PPIL1: variants seen among roughly 807,000 people sequenced by gnomAD.
PPIL1 encodes the protein peptidylprolyl isomerase like 1.
PPIL1 carries 14 observed loss-of-function variants against 19.4 expected under a neutral mutation model. The observed-to-expected ratio is 0.72, with a 90% CI of 0.48 to 1.13. The LOEUF (loss-of-function observed/expected upper bound fraction) is 1.13, where lower values mean the gene tolerates loss of function less well. Ranked by LOEUF, PPIL1 falls within the 50% of genes most tolerant of loss-of-function variation. The pLI, the probability that PPIL1 is intolerant of heterozygous loss-of-function variation, is 0.00. For synonymous variants in PPIL1, 72 were observed against 73.6 expected (o/e 0.98, Z 0.11); for missense variants, 192 against 218.0 (o/e 0.88, Z 0.75).
intron 2 of PPIL1, among the ~76,000 whole-genome samples, chr6:36,868,307 G>C (rs879487226): frequency 2.6e-5 from 4 of 151,728 alleles, no homozygotes; most frequent in Non-Finnish European, 5.9e-5. Flanking sequence ...ACAGAGTAAA[G>C]GTCTGAGATT....
chr6:36,867,607 A>T lies in PPIL1; in HGVS notation c.211+4111T>A, dbSNP rs1774419929. ...CTCGGGAGTGGCAGGGCAGGCACGC[A>T]GGGCTGGCCACCTTCCAGGGTGCTG... On this transcript the variant is annotated intron_variant, in intron 2 of 3. Coordinates refer to ENST00000373699, the MANE Select transcript of PPIL1 (RefSeq NM_016059.5). Among the ~76,000 whole-genome samples the T allele has an allele frequency of 1.3e-5, 2 of 152,178 alleles. 1 individual carries two copies. Among genetic ancestry groups the T allele is most frequent in the South Asian group, 4.1e-4 (2 of 4,834 alleles).
chr6:36,864,029 T>C (rs1342337307), intron 2 of PPIL1, among the ~76,000 whole-genome samples: 1 of 151,966 alleles, frequency 6.6e-6, no homozygotes, highest in Admixed American at 6.6e-5. Flanking sequence ...AATAAACCTC[T>C]ATCTTGGTGT....
chr6:36,874,431 C>A (rs1774591339), intron 1 of PPIL1, among the ~76,000 whole-genome samples: 1 of 152,198 alleles, frequency 6.6e-6, no homozygotes, highest in South Asian at 2.1e-4. Context: ...GCCTGGCTTG[C>A]GGACTCATTA....
At chr6:36,873,704 C>G (rs1439558602) in intron 1 of PPIL1, among the ~76,000 whole-genome samples, 1 of 152,100 alleles carries the variant, frequency 6.6e-6, no homozygotes, top group African/African-American at 2.4e-5. Context: ...GGCCAGGGAG[C>G]ATGAAATGAA....
chr6:36,858,385 A>AACGGTC (rs1329656899), intron 2 of PPIL1, among the ~76,000 whole-genome samples: 2 of 152,160 alleles, frequency 1.3e-5, no homozygotes, highest in Non-Finnish European at 1.5e-5. Flanking sequence ...CTCCAAGTTG[A>AACGGTC]ACGGTCACGA....
chr6:36,870,084 T>C (rs1165808769), intron 2 of PPIL1, among the ~76,000 whole-genome samples: 1 of 145,786 alleles, frequency 6.9e-6, no homozygotes, highest in Non-Finnish European at 1.5e-5. Flanking sequence ...TATTTTGAAA[T>C]GCATCCATAT....
At chr6:36,872,581 A>G (rs945026812) in intron 1 of PPIL1, among the ~76,000 whole-genome samples, 2 of 152,046 alleles carry the variant, frequency 1.3e-5, no homozygotes, top group African/African-American at 4.8e-5. Flanking sequence ...ACTCCAGCAC[A>G]TACCTAGACT....
At position 36,862,411 on chromosome 6, in the gene PPIL1, T is replaced by C. The variant is rs755106377; in HGVS notation, c.212-5757A>G. Among the ~76,000 whole-genome samples, 88 of 152,144 alleles carry C rather than the reference T, an allele frequency of 5.8e-4. 1 individual carries two copies. Among genetic ancestry groups the C allele is most frequent in the Non-Finnish European group, 9.0e-4 (61 of 68,032 alleles). On this transcript the variant is annotated intron_variant, in intron 2 of 3. Transcript: ENST00000373699. The stretch of plus-strand genomic sequence containing the variant: ...GACAAAAAAGGCAGGTGCTGACAAG[T>C]CCATTTTGCAGACAGGCGTGGCCAG...
chr6:36,874,756 G>T lies in PPIL1; in HGVS notation c.17C>A (p.Pro6Gln). The T allele has an allele frequency of 3.7e-6, 6 of 1,614,188 alleles. No individual in the cohort carries two copies. The highest frequency in any genetic ancestry group is 5.1e-6 in the Non-Finnish European group (6 of 1,179,996). MAAIP[P>Q]DSWQPPNVYL... The stretch of plus-strand genomic sequence containing the variant: ...AACGTTGGGTGGCTGCCAGGAATCT[G>T]GGGGAATTGCCGCCATAGCGAAGCC... Residue 6 changes from proline (P) to glutamine (Q), a missense_variant, in exon 1 of 4, where the codon CCA (proline) becomes CAA (glutamine). Pro to Gln is a moderately conservative substitution (Grantham distance 76). Transcript: ENST00000373699.
chr6:36,868,985 T>A (rs1774453667), intron 2 of PPIL1, among the ~76,000 whole-genome samples: 1 of 151,950 alleles, frequency 6.6e-6, no homozygotes, highest in Non-Finnish European at 1.5e-5. Context: ...TTTTATTTTA[T>A]TTTAATTTAT....
At chr6:36,874,630 C>A in intron 1 of PPIL1, 87 bp downstream of exon 1, 1 of 1,543,326 alleles carries the variant, frequency 6.5e-7, no homozygotes, top group East Asian at 2.3e-5. Flanking sequence ...GCCGGCCTCC[C>A]GGAGGAACGC....
intron 2 of PPIL1, among the ~76,000 whole-genome samples, chr6:36,861,672 T>C (rs1338486860): frequency 6.6e-6 from 1 of 150,580 alleles, no homozygotes; most frequent in Non-Finnish European, 1.5e-5. Flanking sequence ...TTCTTCTTTA[T>C]GATCTGTGTT....
intron 2 of PPIL1, among the ~76,000 whole-genome samples, chr6:36,857,518 G>A (rs149556834): frequency 2.3e-4 from 35 of 151,892 alleles, no homozygotes; most frequent in Non-Finnish European, 4.1e-4. Context: ...GTCTTGCTAC[G>A]TTGCCCAGGC....
In PPIL1 at chr6:36,859,038, G is replaced by A. The variant is rs144303182; in HGVS notation, c.212-2384C>T. On this transcript the variant is annotated intron_variant, in intron 2 of 3. Transcript: ENST00000373699. ...GATCCCTGCAACCTGAGGGCTACCA[G>A]AACAAACCCCCCAGGACCCTGCCCT... Among the ~76,000 whole-genome samples, 425 of 152,236 alleles carry A rather than the reference G, an allele frequency of 2.8e-3. 2 individuals are homozygous for A. Among genetic ancestry groups the A allele is most frequent in the African/African-American group, 9.0e-3 (373 of 41,536 alleles).
In PPIL1 at chr6:36,856,043, A is replaced by G; in HGVS notation, c.281-10T>C. On this transcript the variant is annotated splice_polypyrimidine_tract_variant and intron_variant, in intron 3 of 3. Transcript: ENST00000373699. ...GCGAGAATTCCAGCCCCTGGTGGGA[A>G]AAAGGAAGAAAGGAAAGAGTATAAA... The G allele has an allele frequency of 6.2e-7, 1 of 1,612,462 alleles. No homozygotes were observed. Among genetic ancestry groups the G allele is most frequent in the Middle Eastern group, 1.7e-4 (1 of 6,058 alleles).
rs1646294253 is a variant in PPIL1 at position 36,855,145 on chromosome 6, T to C, written c.*668A>G. The C allele has an allele frequency of 1.3e-5, 2 of 153,032 alleles. No homozygotes were observed. Among genetic ancestry groups the C allele is most frequent in the African/African-American group, 4.8e-5 (2 of 41,458 alleles). 9.5% of individuals were successfully genotyped at this position (153,032 alleles called of 1,614,324 possible). On this transcript the variant is annotated 3_prime_UTR_variant, in exon 4 of 4. Transcript: ENST00000373699. ...TTTTAATAAACTAATTTCTTGATTATTATACATTATTATTATTCCCCACTT... is the reference window on the plus strand; with the variant it reads ...TTTTAATAAACTAATTTCTTGATTACTATACATTATTATTATTCCCCACTT...
In PPIL1 at chr6:36,855,997, TC is replaced by T. The variant is rs749128143; in HGVS notation, c.316del (p.Asp106IlefsTer9). On this transcript the variant is annotated frameshift_variant, in exon 4 of 4. Transcript: ENST00000373699. LOFTEE classifies it high-confidence loss of function. ...CACAAAGAACTGGCTGCCATTGGTA[TC>T]TGGCCCCGCATTGGCCATTGCGAGA... is the stretch of plus-strand genomic sequence containing the variant. ...GILAMANAGP[D>X]TNGSQFFVTL... 3 of 1,614,202 alleles carry T rather than the reference TC, an allele frequency of 1.9e-6. No individual in the cohort carries two copies. Among genetic ancestry groups the T allele is most frequent in the Non-Finnish European group, 2.5e-6 (3 of 1,180,042 alleles).
chr6:36,870,198 T>C (rs1392234834), intron 2 of PPIL1, among the ~76,000 whole-genome samples: 1 of 151,630 alleles, frequency 6.6e-6, no homozygotes, highest in African/African-American at 2.4e-5. Context: ...GAGAAAAGAC[T>C]CTGCTATAGA....
At chr6:36,865,603 C>T (rs1774379823) in intron 2 of PPIL1, among the ~76,000 whole-genome samples, 3 of 152,196 alleles carry the variant, frequency 2.0e-5, no homozygotes, top group Admixed American at 2.0e-4. Context: ...CTTCCCTCTA[C>T]TTCCCAAGAC....
Sources: allele counts gnomAD v4.1 joint callset (sites outside exome capture counted in the v4.1 genomes callset), GRCh38; gene constraint gnomAD v4.1.1; transcripts MANE v1.5; gene names NCBI Gene and HGNC (gene_info 2026-07-23, HGNC 2026-07-21).